LIPI: variants seen among roughly 807,000 people sequenced by gnomAD.
LIPI encodes lipase I.
LIPI carries 59 observed loss-of-function variants against 50.6 expected under a neutral mutation model. The observed-to-expected ratio is 1.16, with a 90% CI of 0.94 to 1.45. The LOEUF (loss-of-function observed/expected upper bound fraction) is 1.45, where lower values mean the gene tolerates loss of function less well. LIPI is among the 40% of genes most tolerant of loss of function. The pLI is 0.00. For synonymous variants in LIPI, 203 were observed against 178.2 expected, an observed-to-expected ratio of 1.14 and a Z score of -1.11; for missense variants, 586 against 536.3, an observed-to-expected ratio of 1.09 and a Z score of -0.92.
chr21:14,117,614 CA>C (rs2016700695), intron 9 of LIPI, among the ~76,000 whole-genome samples: 1 of 152,146 alleles, frequency 6.6e-6, no homozygotes, highest in East Asian at 1.9e-4. Flanking sequence ...CATTAGAAAC[CA>C]GATGAAAGCC....
At chr21:14,164,620 A>G (rs991813693) in intron 6 of LIPI, among the ~76,000 whole-genome samples, 4 of 151,568 alleles carry the variant, frequency 2.6e-5, no homozygotes, top group Non-Finnish European at 1.5e-5. Flanking sequence ...TTTTTGAAAA[A>G]CCCTGAGCAA....
rs141284184 is a variant in LIPI at position 14,163,224 on chromosome 21, A to C, written c.1006+195T>G. The stretch of plus-strand genomic sequence containing the variant: ...TTGTTTCTTTGGGAAAATATTACCC[A>C]AGCGTCTCTCCATTTTATCTAAAAA... On this transcript the variant is annotated intron_variant, in intron 7 of 9. Coordinates refer to ENST00000681601, the MANE Select transcript of LIPI (RefSeq NM_001302998.2). Among the ~76,000 whole-genome samples, 86 of 151,934 alleles carry C rather than the reference A, an allele frequency of 5.7e-4. 1 individual carries two copies. The highest frequency in any genetic ancestry group is 2.0e-3 in the African/African-American group (85 of 41,498).
intron 4 of LIPI, among the ~76,000 whole-genome samples, chr21:14,173,941 C>G (rs567274518): frequency 2.8e-4 from 43 of 152,302 alleles, no homozygotes; most frequent in African/African-American, 8.4e-4. Context: ...CCATCATCTT[C>G]TTAGCCTGTG....
Position 14,128,746 on chromosome 21 carries a change from G to A in LIPI, c.1295+15877C>T, listed in dbSNP as rs147497372. Among the ~76,000 whole-genome samples, 741 of 152,100 alleles carry A rather than the reference G, an allele frequency of 4.9e-3. 5 individuals carry two copies. The highest frequency in any genetic ancestry group is 0.017 in the African/African-American group (703 of 41,538). On this transcript the variant is annotated intron_variant, in intron 9 of 9. Coordinates refer to ENST00000681601, the MANE Select transcript of LIPI (RefSeq NM_001302998.2). ...CTTGCTTACATATTAGTTCTCTATA[G>A]GAAATAATTAAATTCACTTTGGGGC...
chr21:14,115,121 C>A (rs953138802), intron 9 of LIPI, among the ~76,000 whole-genome samples: 1 of 152,126 alleles, frequency 6.6e-6, no homozygotes, highest in Non-Finnish European at 1.5e-5. Context: ...CCCCACCCCC[C>A]ATAGTCTAAG....
At chr21:14,147,266 T>C (rs1261496748) in intron 8 of LIPI, among the ~76,000 whole-genome samples, 2 of 152,172 alleles carry the variant, frequency 1.3e-5, no homozygotes, top group Non-Finnish European at 2.9e-5. Flanking sequence ...CCCCACTAAT[T>C]GACATCCCCT....
At chr21:14,172,197 C>G (rs1001906704) in intron 4 of LIPI, among the ~76,000 whole-genome samples, 1 of 150,344 alleles carries the variant, frequency 6.7e-6, no homozygotes, top group African/African-American at 2.4e-5. Flanking sequence ...GAATGGCAAT[C>G]ATTAAAAAGT....
At chr21:14,141,155 A>G (rs1364352647) in intron 9 of LIPI, among the ~76,000 whole-genome samples, 1 of 151,850 alleles carries the variant, frequency 6.6e-6, no homozygotes, top group Admixed American at 6.6e-5. Flanking sequence ...TCTTTTCCTC[A>G]GTTGAAGGGG....
At chr21:14,144,889 C>T in intron 8 of LIPI, 90 bp from the exon 9 acceptor site, 1 of 832,722 alleles carries the variant, frequency 1.2e-6, no homozygotes, top group South Asian at 1.7e-5. Context: ...AGGGAGGCCA[C>T]AGAGAACAAA....
chr21:14,166,290 G>A (rs1026169488), intron 5 of LIPI, 72 bp downstream of exon 5: 19 of 894,424 alleles, frequency 2.1e-5, no homozygotes, highest in Non-Finnish European at 3.4e-5. Context: ...CAGATTAAGA[G>A]GGGAAAAGTA....
chr21:14,179,814 T>C (rs1477827500), intron 4 of LIPI, among the ~76,000 whole-genome samples: 2 of 152,136 alleles, frequency 1.3e-5, no homozygotes, highest in Non-Finnish European at 2.9e-5. Flanking sequence ...GTAAAACATA[T>C]GCGTTTGAAC....
chr21:14,130,181 A>T (rs924387246), intron 9 of LIPI, among the ~76,000 whole-genome samples: 60 of 152,290 alleles, frequency 3.9e-4, no homozygotes, highest in African/African-American at 1.1e-3. Flanking sequence ...TTTAAGAGAA[A>T]AAGTGAAAGA....
chr21:14,139,798 C>G (rs539205720), intron 9 of LIPI, among the ~76,000 whole-genome samples: 1 of 152,096 alleles, frequency 6.6e-6, no homozygotes, highest in African/African-American at 2.4e-5. Flanking sequence ...GCCATCGGCA[C>G]TTCAAGGGGA....
intron 9 of LIPI, among the ~76,000 whole-genome samples, chr21:14,124,950 A>G (rs952228621): frequency 7.9e-5 from 12 of 152,096 alleles, no homozygotes; most frequent in Non-Finnish European, 1.2e-4. Context: ...AGCCAAGATC[A>G]TGTCATTGCA....
intron 3 of LIPI, among the ~76,000 whole-genome samples, chr21:14,184,219 C>T (rs139767448): frequency 0.017 from 2,599 of 152,062 alleles, 78 homozygotes; most frequent in African/African-American, 0.059. Flanking sequence ...AGCAAACTAT[C>T]GCAAGGACAA....
chr21:14,134,972 AAAG>A (rs1316902965), intron 9 of LIPI, among the ~76,000 whole-genome samples: 1 of 152,200 alleles, frequency 6.6e-6, no homozygotes. Context: ...TCTACACAAA[AAAG>A]AAACAATCAA....
At chr21:14,200,876 C>A (rs1355413131) in intron 1 of LIPI, among the ~76,000 whole-genome samples, 1 of 152,128 alleles carries the variant, frequency 6.6e-6, no homozygotes, top group African/African-American at 2.4e-5. Flanking sequence ...TACTACAGGG[C>A]TACAATAACC....
chr21:14,134,112 TCC>T (rs1163143063), intron 9 of LIPI, among the ~76,000 whole-genome samples: 2 of 152,086 alleles, frequency 1.3e-5, no homozygotes, highest in Non-Finnish European at 2.9e-5. Flanking sequence ...ATGCCTGTGG[TCC>T]CAGCTACTTG....
At chr21:14,196,622 T>C (rs1042469486) in intron 1 of LIPI, among the ~76,000 whole-genome samples, 7 of 150,808 alleles carry the variant, frequency 4.6e-5, no homozygotes, top group African/African-American at 1.5e-4. Flanking sequence ...AGGCTAGGAG[T>C]TCAAGACAAG....
Sources: gnomAD v4.1 joint callset for allele counts (sites outside exome capture counted in the v4.1 genomes callset) on GRCh38, gnomAD v4.1.1 for gene constraint, MANE v1.5 for transcripts, NCBI Gene and HGNC (gene_info 2026-07-23, HGNC 2026-07-21) for gene names.